CHEK2: variants seen among roughly 807,000 people sequenced by gnomAD.
CHEK2 encodes the protein serine/threonine-protein kinase Chk2.
Under a neutral mutation model 69.1 loss-of-function variants are expected in CHEK2, and 71 were observed. That is an observed-to-expected ratio of 1.03 (90% CI 0.85 to 1.25). CHEK2 has a LOEUF of 1.25. Among genes scored for constraint, CHEK2 ranks in the 50% most tolerant of loss-of-function variants. The probability of loss-of-function intolerance (pLI) is 0.00; values close to 1 mark genes in which losing one functional copy is unlikely to be tolerated. For synonymous variants in CHEK2, 189 were observed against 226.9 expected (o/e 0.83, Z 1.50); for missense variants, 664 against 649.6 (o/e 1.02, Z -0.24).
intron 8 of CHEK2, among the ~76,000 whole-genome samples, chr22:28,700,866 C>T (rs1173831232): frequency 7.2e-5 from 11 of 151,904 alleles, no homozygotes; most frequent in East Asian, 3.9e-4. Context: ...CTTGGCTCAC[C>T]GCAACCTCCA....
chr22:28,734,688 A>T lies in CHEK2; in HGVS notation c.34T>A (p.Ser12Thr), dbSNP rs876661027. The T allele has an allele frequency of 3.7e-6, 6 of 1,613,764 alleles. No individual in the cohort carries two copies. Among genetic ancestry groups the T allele is most frequent in the Non-Finnish European group, 5.1e-6 (6 of 1,180,032 alleles). ...TGTGAACAGGCACTGCTGCCATGAGACTGCTGAGCCTCAACATCCGACTCC... is the reference window on the plus strand; with the variant it reads ...TGTGAACAGGCACTGCTGCCATGAGTCTGCTGAGCCTCAACATCCGACTCC... ...SRESDVEAQQSHGSSACSQPH... is the reference protein window; with the variant it reads ...SRESDVEAQQTHGSSACSQPH... Residue 12 changes from serine (S) to threonine (T), a missense_variant, in exon 2 of 15, where the codon TCT (serine) becomes ACT (threonine). Transcript: ENST00000404276.
intron 4 of CHEK2, among the ~76,000 whole-genome samples, chr22:28,723,601 GAAAAAAAAAGA>G (rs1038124143): frequency 1.1e-3 from 56 of 48,886 alleles, no homozygotes; most frequent in Non-Finnish European, 1.8e-3. Context: ...CCGTCACAAG[GAAAAAAAAAGA>G]AAAAAAAAAA....
rs767656411 is a variant in CHEK2, at chr22:28,699,872, T to C, written c.974A>G (p.Lys325Arg). The C allele has an allele frequency of 6.2e-7, 1 of 1,614,036 alleles. No homozygotes were observed. The highest frequency in any genetic ancestry group is 2.2e-5 in the East Asian group (1 of 44,886). The change falls in exon 9 of 15, where the codon AAG (lysine) becomes AGG (arginine). Residue 325 changes from lysine (K) to arginine (R), a missense_variant. Transcript: ENST00000404276. ...CAAGAGCATCTGGTAAAAATAGAGC[T>C]TGCAGGTAGCTTCTTTCAGGCGTTT... ...GNKRLKEATC[K>R]LYFYQMLLAV...
intron 2 of CHEK2, among the ~76,000 whole-genome samples, chr22:28,732,834 T>C (rs965536312): frequency 6.6e-6 from 1 of 152,100 alleles, no homozygotes; most frequent in African/African-American, 2.4e-5. Flanking sequence ...ACTATTTTTT[T>C]TGGCCGGAGT....
intron 8 of CHEK2, among the ~76,000 whole-genome samples, chr22:28,700,244 C>T (rs1227085425): frequency 6.7e-6 from 1 of 149,102 alleles, no homozygotes; most frequent in Non-Finnish European, 1.5e-5. Flanking sequence ...CAGAGCCTCG[C>T]TCTGTCACCC....
At chr22:28,705,498 A>G (rs530120549) in intron 7 of CHEK2, among the ~76,000 whole-genome samples, 2 of 152,212 alleles carry the variant, frequency 1.3e-5, no homozygotes, top group East Asian at 3.8e-4. Context: ...TCCAAAATCC[A>G]AAAAGATTCA....
chr22:28,709,121 A>G (rs1362330503), intron 7 of CHEK2: 1 of 212,874 alleles, frequency 4.7e-6, no homozygotes, highest in African/African-American at 2.4e-5. Flanking sequence ...AAAAAAAAGC[A>G]AGATAAGATT....
chr22:28,726,870 C>T (rs1164433680), intron 2 of CHEK2, among the ~76,000 whole-genome samples: 2 of 149,130 alleles, frequency 1.3e-5, no homozygotes, highest in Non-Finnish European at 3.0e-5. Flanking sequence ...GCTCATGACA[C>T]CCAGCACCAC....
At chr22:28,719,246 C>T (rs2053683348) in intron 5 of CHEK2, 149 bp downstream of exon 5, 1 of 483,468 alleles carries the variant, frequency 2.1e-6, no homozygotes, top group South Asian at 3.5e-5. Flanking sequence ...AAATAACACA[C>T]AAAAATAAAA....
chr22:28,699,108 C>T (rs1040345010), intron 9 of CHEK2, among the ~76,000 whole-genome samples: 48 of 151,922 alleles, frequency 3.2e-4, no homozygotes, highest in African/African-American at 1.1e-3. Flanking sequence ...AGGCTCAAGC[C>T]GTCCTCCCAA....
At chr22:28,719,235 G>A (rs1363490221) in intron 5 of CHEK2, among the ~76,000 whole-genome samples, 160 bp downstream of exon 5, 1 of 151,804 alleles carries the variant, frequency 6.6e-6, no homozygotes, top group East Asian at 1.9e-4. Context: ...ATGACTGTGT[G>A]AAATAACACA....
Position 28,694,091 on chromosome 22 carries a change from C to T in CHEK2, c.1402G>A (p.Val468Ile), listed in dbSNP as rs876660084. 5 of 1,595,830 alleles carry T rather than the reference C, an allele frequency of 3.1e-6. No individual in the cohort carries two copies. Among genetic ancestry groups the T allele is most frequent in the East Asian group, 2.2e-5 (1 of 44,862 alleles). Residue 468 changes from valine to isoleucine, a missense_variant, in exon 13 of 15, where the codon GTA (valine) becomes ATA (isoleucine). Val to Ile is a conservative substitution (Grantham distance 29). Transcript: ENST00000404276. ...GTAAAACGTGCCTTTGGATCCACTA[C>T]CAACAACTTCTTGACAAGGTCCAGA... ...KALDLVKKLLVVDPKARFTTE... is the reference protein window; with the variant it reads ...KALDLVKKLLIVDPKARFTTE...
At chr22:28,700,370 C>A (rs573878082) in intron 8 of CHEK2, among the ~76,000 whole-genome samples, 1 of 152,040 alleles carries the variant, frequency 6.6e-6, no homozygotes, top group Non-Finnish European at 1.5e-5. Context: ...CACCACCATG[C>A]CCGGCTAATT....
chr22:28,722,768 A>G (rs138430693), intron 4 of CHEK2, among the ~76,000 whole-genome samples: 1,574 of 152,048 alleles, frequency 0.01, 34 homozygotes, highest in African/African-American at 0.036. Flanking sequence ...GGCAGTGGCT[A>G]TTTACAGGCA....
intron 7 of CHEK2, among the ~76,000 whole-genome samples, chr22:28,707,282 T>C (rs1284638668): frequency 6.6e-6 from 1 of 152,250 alleles, no homozygotes; most frequent in African/African-American, 2.4e-5. Flanking sequence ...GTGTGTTGTC[T>C]GCACTGAAAG....
chr22:28,738,435 G>A (rs2054475817), intron 1 of CHEK2, among the ~76,000 whole-genome samples: 1 of 152,166 alleles, frequency 6.6e-6, no homozygotes, highest in East Asian at 1.9e-4. Flanking sequence ...ACACTTGAGT[G>A]AAACTGTGCA....
Position 28,698,086 on chromosome 22 carries a change from A to T in CHEK2, c.1009-1099T>A, listed in dbSNP as rs17881287. ...CCACAAAAATTAAAATTAAAATTAA[A>T]TTTTTTTTTTAAAAAGGCTTGTGGG... On this transcript the variant is annotated intron_variant, in intron 9 of 14. Coordinates refer to ENST00000404276, the MANE Select transcript of CHEK2 (RefSeq NM_007194.4). Among the ~76,000 whole-genome samples the T allele has an allele frequency of 3.7e-3, 567 of 151,216 alleles. 5 individuals are homozygous for T. Among genetic ancestry groups the T allele is most frequent in the African/African-American group, 5.5e-3 (227 of 41,192 alleles).
chr22:28,700,516 A>C (rs2052799244), intron 8 of CHEK2, among the ~76,000 whole-genome samples: 1 of 152,072 alleles, frequency 6.6e-6, no homozygotes. Context: ...GCACCCAGTC[A>C]GGAGTTTGCA....
At chr22:28,725,908 C>CAAA (rs34005683) in intron 2 of CHEK2, among the ~76,000 whole-genome samples, 1 of 142,906 alleles carries the variant, frequency 7.0e-6, no homozygotes, top group Non-Finnish European at 1.5e-5. Flanking sequence ...GACCCAGTTT[C>CAAA]AAAAAAAAAA....
Sources: gnomAD v4.1 joint callset for allele counts (sites outside exome capture counted in the v4.1 genomes callset) on GRCh38, gnomAD v4.1.1 for gene constraint, MANE v1.5 for transcripts, NCBI Gene and HGNC (gene_info 2026-07-23, HGNC 2026-07-21) for gene names.